The following DCN variants were observed in gnomAD, a reference collection of about 807,000 sequenced individuals.
The protein encoded by DCN is decorin.
DCN carries 17 observed loss-of-function variants against 36.5 expected under a neutral mutation model. The ratio of observed to expected loss-of-function variants is 0.47; its 90% CI spans 0.32 to 0.70. DCN has a LOEUF of 0.70. Among genes scored for constraint, DCN ranks in the 30% least tolerant of loss-of-function variants. The pLI is 0.04. For missense variants in DCN, 389 were observed against 430.1 expected, an observed-to-expected ratio of 0.90 and a Z score of 0.84; for synonymous variants, 163 against 161.4, an observed-to-expected ratio of 1.01 and a Z score of -0.07.
At chr12:91,182,274 A>C (rs1247379572) in intron 1 of DCN, among the ~76,000 whole-genome samples, 1 of 152,030 alleles carries the variant, frequency 6.6e-6, no homozygotes, top group Non-Finnish European at 1.5e-5. Context: ...AGAAAAATAC[A>C]TTTTTTAAAT....
At chr12:91,157,007 A>AT (rs60125162) in intron 5 of DCN, 68 bp downstream of exon 5, 14,039 of 964,558 alleles carry the variant, frequency 0.015, 76 homozygotes, top group African/African-American at 0.062. Context: ...TTTCCACAAG[A>AT]TTTTTTTTTT....
rs1880759676 is a variant in DCN, at chr12:91,141,693, A to G, written c.*4365T>C. On this transcript the variant is annotated 3_prime_UTR_variant, in exon 8 of 8. Transcript: ENST00000052754. ...AAGACAAAAAAGTTGGATTATTTTG[A>G]CATTTTTGAGTGTATTTTAAAATTG... The G allele has an allele frequency of 6.6e-6, 1 of 152,092 alleles. No homozygotes were observed. The highest frequency in any genetic ancestry group is 1.5e-5 in the Non-Finnish European group (1 of 67,996). 9.4% of individuals were successfully genotyped at this position (152,092 alleles called of 1,614,324 possible). A position where few individuals can be genotyped will look rare whatever the true frequency, so the allele number is the denominator to read the frequency against.
chr12:91,178,563 A>G lies in DCN; in HGVS notation c.-11T>C, dbSNP rs373826429. Reference sequence around the variant, plus strand: ...GATAGTGGCCTTCATGATTTATCTCATGTATTTTCACAACCAGGGAACCTA... The same window carrying G: ...GATAGTGGCCTTCATGATTTATCTCGTGTATTTTCACAACCAGGGAACCTA... On this transcript the variant is annotated 5_prime_UTR_variant, in exon 2 of 8. An upstream start codon of the reference 5' UTR is lost. Coordinates refer to ENST00000052754, the MANE Select transcript of DCN (RefSeq NM_001920.5). 3.7e-6 allele frequency: 6 copies of G among 1,609,424 alleles called. No homozygotes were observed. Among genetic ancestry groups the G allele is most frequent in the East Asian group, 4.5e-5 (2 of 44,806 alleles).
At chr12:91,163,685 G>T (rs184998298) in intron 3 of DCN, among the ~76,000 whole-genome samples, 12 of 152,154 alleles carry the variant, frequency 7.9e-5, no homozygotes, top group Non-Finnish European at 1.5e-4. Flanking sequence ...TAAACATACA[G>T]ATAAGGACAC....
intron 1 of DCN, among the ~76,000 whole-genome samples, chr12:91,182,273 C>T (rs1036961131): frequency 7.2e-5 from 11 of 152,062 alleles, no homozygotes; most frequent in South Asian, 4.1e-4. Context: ...GAGAAAAATA[C>T]ATTTTTTAAA....
In DCN at chr12:91,146,104, C is replaced by T. The variant is rs1880992643; in HGVS notation, c.1034G>A (p.Arg345Lys). 2 of 1,613,992 alleles carry T rather than the reference C, an allele frequency of 1.2e-6. No homozygotes were observed. The highest frequency in any genetic ancestry group is 1.7e-6 in the Non-Finnish European group (2 of 1,179,962). The change falls in exon 8 of 8, where the codon AGA becomes AAA. Residue 345 changes from arginine (R) to lysine (K), a missense_variant. Arg to Lys is a conservative substitution (Grantham distance 26, BLOSUM62 2). Coordinates refer to ENST00000052754, the MANE Select transcript of DCN (RefSeq NM_001920.5). ...AATGGCAGAGCGCACGTAGACACAT[C>T]TGAAGGTGGATGGCTGTATCTCCCA... ...QYWEIQPSTFRCVYVRSAIQL... is the reference protein window; with the variant it reads ...QYWEIQPSTFKCVYVRSAIQL...
At chr12:91,165,895 G>A (rs770746143) in intron 2 of DCN, among the ~76,000 whole-genome samples, 14 of 152,010 alleles carry the variant, frequency 9.2e-5, no homozygotes, top group East Asian at 7.7e-4. Flanking sequence ...GATATTGCCC[G>A]TGACTTCATA....
rs1005937921 is a variant in DCN at position 91,144,443 on chromosome 12, G to A, written c.*1615C>T. The A allele has an allele frequency of 6.6e-5, 10 of 151,990 alleles. No individual in the cohort carries two copies. Among genetic ancestry groups the A allele is most frequent in the African/African-American group, 2.2e-4 (9 of 41,374 alleles). 9.4% of individuals were successfully genotyped at this position (151,990 alleles called of 1,614,324 possible). On this transcript the variant is annotated 3_prime_UTR_variant, in exon 8 of 8. Coordinates refer to ENST00000052754, the MANE Select transcript of DCN (RefSeq NM_001920.5). ...TGTAGTCATGAGAGGAGGATCTCTTGGGAGATGAAAAAGAGAAGAAAAAGA... is the reference window on the plus strand; with the variant it reads ...TGTAGTCATGAGAGGAGGATCTCTTAGGAGATGAAAAAGAGAAGAAAAAGA...
chr12:91,159,811 CTTTAT>C (rs1268343317), intron 3 of DCN, among the ~76,000 whole-genome samples: 1 of 151,950 alleles, frequency 6.6e-6, no homozygotes, highest in Non-Finnish European at 1.5e-5. Flanking sequence ...TTTCAAGCCA[CTTTAT>C]TAACTAATTA....
At position 91,146,191 on chromosome 12, in the gene DCN, C is replaced by T. The variant is rs767166285; in HGVS notation, c.947G>A (p.Gly316Glu). ...VVGSSDFCPP[G>E]HNTKKASYSG... ...ATAAGAAGCCTTTTTGGTGTTGTGT[C>T]CAGGTGGGCAGAAGTCACTTGATCC... The change falls in exon 8 of 8, where the codon GGA becomes GAA. Residue 316 changes from glycine (G) to glutamate (E), a missense_variant. Physicochemically the swap from Gly to Glu is moderately conservative, Grantham distance 98. Transcript: ENST00000052754. The T allele has an allele frequency of 1.9e-5, 30 of 1,613,346 alleles. No individual in the cohort carries two copies. In the Admixed American group the frequency reaches 4.8e-4, roughly 26 times the overall value.
intron 7 of DCN, among the ~76,000 whole-genome samples, chr12:91,148,783 C>CATTCATG (rs1225165990): frequency 2.1e-5 from 3 of 140,568 alleles, no homozygotes; most frequent in Non-Finnish European, 3.1e-5. Flanking sequence ...AGGACATTCA[C>CATTCATG]ATTCATGTGC....
In DCN at chr12:91,151,717, A is replaced by C; in HGVS notation, c.822T>G (p.Leu274=). Residue 274 remains leucine (L), a synonymous_variant, in exon 7 of 8, where the codon CTT becomes CTG. Coordinates refer to ENST00000052754, the MANE Select transcript of DCN (RefSeq NM_001920.5). ...TGGTAAGCTTGTTGTTGTCCAAGTG[A>C]AGCTCCCTCAGATGAGGCGTGTTGG... is the stretch of plus-strand genomic sequence containing the variant. The part of the protein sequence containing the change: ...SLANTPHLRE[L]HLDNNKLTRV... 1 of 1,614,064 alleles carries C rather than the reference A, an allele frequency of 6.2e-7. No homozygotes were observed. Among genetic ancestry groups the C allele is most frequent in the Non-Finnish European group, 8.5e-7 (1 of 1,179,972 alleles).
chr12:91,182,181 T>C (rs1237193197), intron 1 of DCN, among the ~76,000 whole-genome samples: 2 of 152,150 alleles, frequency 1.3e-5, no homozygotes, highest in African/African-American at 2.4e-5. Flanking sequence ...GTTGAAGAAA[T>C]ATACATTAGG....
At chr12:91,171,161 T>G (rs1184984886) in intron 2 of DCN, among the ~76,000 whole-genome samples, 2 of 152,206 alleles carry the variant, frequency 1.3e-5, no homozygotes, top group Admixed American at 6.5e-5. Flanking sequence ...AATACTTTTC[T>G]CACAATCTTA....
At chr12:91,168,828 C>T (rs1592700148) in intron 2 of DCN, among the ~76,000 whole-genome samples, 1 of 152,174 alleles carries the variant, frequency 6.6e-6, no homozygotes, top group East Asian at 1.9e-4. Flanking sequence ...TCTTCAGTGT[C>T]TTTGCCATAT....
In DCN at chr12:91,144,602, T is replaced by C. The variant is rs765507227; in HGVS notation, c.*1456A>G. ...GGGATATGTCAAATGTAAATGAAAA[T>C]TATTGCTTCTGTTTCAGAAGAAGAA... On this transcript the variant is annotated 3_prime_UTR_variant, in exon 8 of 8. Transcript: ENST00000052754. 1 of 152,178 alleles carries C rather than the reference T, an allele frequency of 6.6e-6. No homozygotes were observed. The highest frequency in any genetic ancestry group is 1.5e-5 in the Non-Finnish European group (1 of 68,024). 9.4% of individuals were successfully genotyped at this position (152,178 alleles called of 1,614,324 possible). A position where few individuals can be genotyped will look rare whatever the true frequency, so the allele number is the denominator to read the frequency against.
chr12:91,148,443 C>T (rs868510371), intron 7 of DCN, among the ~76,000 whole-genome samples: 2 of 151,504 alleles, frequency 1.3e-5, no homozygotes, highest in Admixed American at 6.6e-5. Context: ...AAAGCCTGGG[C>T]GTGGTGGCTT....
intron 2 of DCN, among the ~76,000 whole-genome samples, chr12:91,168,311 T>A (rs1401761354): frequency 2.0e-5 from 3 of 152,346 alleles, no homozygotes; most frequent in African/African-American, 7.2e-5. Context: ...CCTTGAAGCA[T>A]ATCCGTTATC....
intron 2 of DCN, among the ~76,000 whole-genome samples, chr12:91,168,989 C>T (rs1882760513): frequency 6.6e-6 from 1 of 150,386 alleles, no homozygotes; most frequent in African/African-American, 2.4e-5. Context: ...AGAAACAAAT[C>T]CCCATTCATA....
Sources: gnomAD v4.1 joint callset for allele counts (sites outside exome capture counted in the v4.1 genomes callset) on GRCh38, gnomAD v4.1.1 for gene constraint, MANE v1.5 for transcripts, NCBI Gene and HGNC (gene_info 2026-07-23, HGNC 2026-07-21) for gene names.